SORCS2: variants seen among roughly 807,000 people sequenced by gnomAD.
SORCS2 encodes the protein sortilin related VPS10 domain containing receptor 2.
Under a neutral mutation model 141.6 loss-of-function variants are expected in SORCS2, and 100 were observed. The ratio of observed to expected loss-of-function variants is 0.71; its 90% CI spans 0.60 to 0.83. The LOEUF is 0.83. Among genes scored for constraint, SORCS2 ranks in the 40% least tolerant of loss-of-function variants. The pLI is 0.00. For synonymous variants in SORCS2, 789 were observed against 676.9 expected, an observed-to-expected ratio of 1.17 and a Z score of -2.57; for missense variants, 1,646 against 1,560.2, an observed-to-expected ratio of 1.05 and a Z score of -0.93.
chr4:7,455,625 G>T (rs1433588572), intron 2 of SORCS2, among the ~76,000 whole-genome samples: 2 of 147,760 alleles, frequency 1.4e-5, no homozygotes, highest in African/African-American at 5.0e-5. Flanking sequence ...GCTCTGTGTT[G>T]GGGTCAGGCG....
At chr4:7,533,829 G>A (rs113578021) in intron 3 of SORCS2, among the ~76,000 whole-genome samples, 4 of 152,320 alleles carry the variant, frequency 2.6e-5, no homozygotes, top group East Asian at 1.9e-4. Context: ...CCTGTAAAGC[G>A]GGCAGGTGGA....
rs1725234532 is a variant in SORCS2, at chr4:7,703,744, C to T, written c.1760+373C>T. Among the ~76,000 whole-genome samples, 5 of 152,140 alleles carry T rather than the reference C, an allele frequency of 3.3e-5. No homozygotes were observed. The South Asian group carries it at 8.3e-4, about 25-fold the overall frequency. On this transcript the variant is annotated intron_variant, in intron 13 of 26. Transcript: ENST00000507866. ...GAGAGGGTTGGCAGCTGAAGGCCGT[C>T]GTGGGGAAGGGAGGGCAGGCGTGAA...
chr4:7,314,803 T>G (rs1005945769), intron 1 of SORCS2, among the ~76,000 whole-genome samples: 9 of 29,986 alleles, frequency 3.0e-4, no homozygotes, highest in South Asian at 1.3e-3. Flanking sequence ...CTGTTCTGTT[T>G]TTTTTTTTTT....
chr4:7,450,870 G>A (rs1194121964), intron 2 of SORCS2, among the ~76,000 whole-genome samples: 3 of 152,156 alleles, frequency 2.0e-5, no homozygotes, highest in Non-Finnish European at 2.9e-5. Context: ...GTGAGTGAAC[G>A]CATGAGTGAC....
chr4:7,740,852 TG>T lies in SORCS2; in HGVS notation c.*593del, dbSNP rs2148910799. The T allele has an allele frequency of 5.1e-6, 2 of 391,684 alleles. No individual in the cohort carries two copies. The highest frequency in any genetic ancestry group is 1.4e-4 in the South Asian group (1 of 6,972). The allele number at this position is 391,684 out of a possible 1,614,324, so 24.3% of individuals were successfully genotyped here. On this transcript the variant is annotated 3_prime_UTR_variant, in exon 27 of 27. Transcript: ENST00000507866. ...CTCTCTAGGTAGCTGCTGGCGGTGGTGGGGGTGTCTCACTCTCTGTCTTTAT... is the reference window on the plus strand; with the variant it reads ...CTCTCTAGGTAGCTGCTGGCGGTGGTGGGGTGTCTCACTCTCTGTCTTTAT...
intron 3 of SORCS2, among the ~76,000 whole-genome samples, chr4:7,574,184 G>C (rs994318672): frequency 6.6e-6 from 1 of 152,258 alleles, no homozygotes; most frequent in Non-Finnish European, 1.5e-5. Context: ...AAGCGGGTTG[G>C]GTCCCGTGCG....
intron 9 of SORCS2, among the ~76,000 whole-genome samples, chr4:7,680,157 C>T (rs944534812): frequency 6.6e-6 from 1 of 152,352 alleles, no homozygotes; most frequent in South Asian, 2.1e-4. Context: ...CAGCTCCAGA[C>T]CACACAGCAA....
At chr4:7,672,881 T>C (rs1722875943) in intron 8 of SORCS2, among the ~76,000 whole-genome samples, 1 of 152,232 alleles carries the variant, frequency 6.6e-6, no homozygotes, top group Non-Finnish European at 1.5e-5. Flanking sequence ...TAGAGCTCTC[T>C]AATAAAGAGA....
intron 1 of SORCS2, among the ~76,000 whole-genome samples, chr4:7,380,889 C>T (rs1348963996): frequency 2.0e-5 from 3 of 152,206 alleles, no homozygotes; most frequent in Admixed American, 1.3e-4. Flanking sequence ...CAAGGCCAGC[C>T]TGGCCAACAC....
rs577938178 is a variant in SORCS2 at position 7,701,435 on chromosome 4, C to T, written c.1669-1845C>T. Among the ~76,000 whole-genome samples, 3 of 152,250 alleles carry T rather than the reference C, an allele frequency of 2.0e-5. No individual in the cohort carries two copies. The East Asian group carries it at 5.8e-4, about 30-fold the overall frequency. On this transcript the variant is annotated intron_variant, in intron 12 of 26. Transcript: ENST00000507866. ...GCCGACTGTGATAACCAGGAGGAAA[C>T]GCCTGGGGAAGGGCTTTGCAGGGAG...
intron 1 of SORCS2, among the ~76,000 whole-genome samples, chr4:7,298,447 A>G (rs1436155387): frequency 1.3e-5 from 2 of 152,046 alleles, no homozygotes; most frequent in Non-Finnish European, 2.9e-5. Flanking sequence ...TTTTCTGGAG[A>G]GGGTGCCGGG....
At chr4:7,454,435 A>G (rs375645382) in intron 2 of SORCS2, among the ~76,000 whole-genome samples, 1,089 of 93,988 alleles carry the variant, frequency 0.012, 49 homozygotes, top group African/African-American at 0.044. Flanking sequence ...TCCGTGTTGG[A>G]GTCAGGCTCC....
In SORCS2 at chr4:7,656,393, G is replaced by A. The variant is rs376571365; in HGVS notation, c.887+2186G>A. Reference sequence around the variant, plus strand: ...ATCCTGCTTTGAATACTGAGTGTCCGCTGGGCAGCACGTGGAGGCTCTGAG... The same window carrying A: ...ATCCTGCTTTGAATACTGAGTGTCCACTGGGCAGCACGTGGAGGCTCTGAG... On this transcript the variant is annotated intron_variant, in intron 5 of 26. Transcript: ENST00000507866. 7.5e-4 allele frequency among the ~76,000 whole-genome samples: 114 copies of A among 152,248 alleles called. 2 individuals carry two copies. In the South Asian group the frequency reaches 0.021, roughly 27 times the overall value.
At chr4:7,310,952 A>C (rs1294449052) in intron 1 of SORCS2, among the ~76,000 whole-genome samples, 1 of 152,186 alleles carries the variant, frequency 6.6e-6, no homozygotes, top group African/African-American at 2.4e-5. Flanking sequence ...GATATAATAA[A>C]TCACGCAGAT....
intron 3 of SORCS2, among the ~76,000 whole-genome samples, chr4:7,614,585 T>TCCATCCAC (rs1050525715): frequency 7.3e-6 from 1 of 136,262 alleles, no homozygotes; most frequent in African/African-American, 2.9e-5. Flanking sequence ...CCATCATGAA[T>TCCATCCAC]CCATCCACCC....
chr4:7,209,631 C>T (rs916077721), intron 1 of SORCS2, among the ~76,000 whole-genome samples: 3 of 151,982 alleles, frequency 2.0e-5, no homozygotes, highest in Non-Finnish European at 1.5e-5. Context: ...GCACAGAGTT[C>T]CTGAAGTGCA....
chr4:7,582,622 C>T (rs941370689), intron 3 of SORCS2, among the ~76,000 whole-genome samples: 7 of 151,308 alleles, frequency 4.6e-5, no homozygotes, highest in Admixed American at 6.6e-5. Flanking sequence ...AGTCAGCCCT[C>T]GACACAAGGG....
intron 2 of SORCS2, among the ~76,000 whole-genome samples, chr4:7,528,182 T>A (rs902123277): frequency 4.6e-5 from 7 of 152,022 alleles, no homozygotes; most frequent in Admixed American, 2.6e-4. Flanking sequence ...TATGCACACA[T>A]CATGTGAAAG....
Position 7,732,969 on chromosome 4 carries a change from G to A in SORCS2, c.3109-353G>A, listed in dbSNP as rs117348820. On this transcript the variant is annotated intron_variant, in intron 23 of 26. Transcript: ENST00000507866. The stretch of plus-strand genomic sequence containing the variant: ...CCACCCAGCTCTCCCATCCCCCTCT[G>A]GTGGATCCCAGAGCCACCCCCCAAC... 1.1e-3 allele frequency among the ~76,000 whole-genome samples: 162 copies of A among 149,466 alleles called. No individual in the cohort carries two copies. The East Asian group carries it at 0.013, about 12-fold the overall frequency.
Sources: gnomAD v4.1 joint callset for allele counts (sites outside exome capture counted in the v4.1 genomes callset) on GRCh38, gnomAD v4.1.1 for gene constraint, MANE v1.5 for transcripts, NCBI Gene and HGNC (gene_info 2026-07-23, HGNC 2026-07-21) for gene names.